The following DBNL variants were observed in gnomAD, a reference collection of about 807,000 sequenced individuals.
The protein encoded by DBNL is drebrin like, also known as drebrin-like protein.
Under a neutral mutation model 62.2 loss-of-function variants are expected in DBNL, and 35 were observed. The ratio of observed to expected loss-of-function variants is 0.56; its 90% CI spans 0.43 to 0.75. The LOEUF is 0.75. Ranked by LOEUF, DBNL falls within the 30% of genes least tolerant of loss-of-function variation. The pLI, the probability that DBNL is intolerant of heterozygous loss-of-function variation, is 0.00. For missense variants in DBNL, 495 were observed against 578.4 expected (o/e 0.86, Z 1.48); for synonymous variants, 197 against 218.0 (o/e 0.90, Z 0.85).
chr7:44,060,721 C>T lies in DBNL; in HGVS notation c.1154-56C>T. The T allele has an allele frequency of 1.3e-6, 2 of 1,591,634 alleles. No homozygotes were observed. Among genetic ancestry groups the T allele is most frequent in the Non-Finnish European group, 1.7e-6 (2 of 1,166,220 alleles). ...GTGGGGCTGCCGTGGGCTGCCCGAG[C>T]AGGTGGGATGTGGGAGGGAGCCCCT... is the stretch of plus-strand genomic sequence containing the variant. On this transcript the variant is annotated intron_variant, in intron 12 of 12. Transcript: ENST00000448521. This position sits in a 1 kb window ranked among gnomAD's most constrained non-coding sequence, Gnocchi z 6.3.
chr7:44,062,812 C>G lies in DBNL; in HGVS notation c.*1896C>G, dbSNP rs747672660. ...CCACAGCCTCCATGGCCTTCCGCAC[C>G]GTTTCCTCATCACCCAGGAACTGCA... is the stretch of plus-strand genomic sequence containing the variant. On this transcript the variant is annotated 3_prime_UTR_variant, in exon 13 of 13. Transcript: ENST00000448521. 1 of 1,614,212 alleles carries G rather than the reference C, an allele frequency of 6.2e-7. No individual in the cohort carries two copies. Among genetic ancestry groups the G allele is most frequent in the South Asian group, 1.1e-5 (1 of 91,082 alleles).
intron 3 of DBNL, 28 bp from the exon 4 acceptor site, chr7:44,052,839 G>C (rs1437072302): frequency 6.2e-7 from 1 of 1,613,210 alleles, no homozygotes; most frequent in Non-Finnish European, 8.5e-7. Flanking sequence ...GGGAGGCCTG[G>C]GTCAACCTGG....
In DBNL at chr7:44,058,234, C is replaced by A; in HGVS notation, c.658C>A (p.Arg220=). ...RERELREAAR[R]EQRYQEQGGE... Reference sequence around the variant, plus strand: ...GCGTGAGCTGCGTGAGGCTGCACGCCGGGAGCAGCGCTATCAGGAGCAGGG... The same window carrying A: ...GCGTGAGCTGCGTGAGGCTGCACGCAGGGAGCAGCGCTATCAGGAGCAGGG... Residue 220 remains arginine (R), a synonymous_variant, in exon 7 of 13, where the codon CGG becomes AGG. Transcript: ENST00000448521. The A allele has an allele frequency of 6.3e-7, 1 of 1,576,888 alleles. No homozygotes were observed. The highest frequency in any genetic ancestry group is 8.6e-7 in the Non-Finnish European group (1 of 1,162,980).
chr7:44,056,979 C>A, intron 5 of DBNL, 76 bp downstream of exon 5: 2 of 1,592,292 alleles, frequency 1.3e-6, no homozygotes, highest in Non-Finnish European at 1.7e-6. Flanking sequence ...ATGCACTTCC[C>A]AGCACCCGGG....
At chr7:44,049,322 G>A (rs2096122489) in intron 1 of DBNL, among the ~76,000 whole-genome samples, 1 of 152,100 alleles carries the variant, frequency 6.6e-6, no homozygotes, top group Non-Finnish European at 1.5e-5. Context: ...ACGCCCAGCT[G>A]ATTTTTTGTA....
At position 44,068,616 on chromosome 7, in the gene DBNL, A is replaced by C. The variant is rs542245317; in HGVS notation, c.*7700A>C. 6.6e-6 allele frequency: 1 copy of C among 152,378 alleles called. No individual in the cohort carries two copies. The highest frequency in any genetic ancestry group is 2.1e-4 in the South Asian group (1 of 4,832). The allele number at this position is 152,378 out of a possible 1,614,324, so 9.4% of individuals were successfully genotyped here. On this transcript the variant is annotated 3_prime_UTR_variant, in exon 13 of 13. Coordinates refer to ENST00000448521, the MANE Select transcript of DBNL (RefSeq NM_001014436.3). The stretch of plus-strand genomic sequence containing the variant: ...CATGGGAGAAAAGAAGATGATCAAT[A>C]CATGCCCATCCTGAGATGATTCAAC...
Position 44,059,176 on chromosome 7 carries a change from G to A in DBNL, c.836-178G>A, listed in dbSNP as rs1407290563. 6.6e-6 allele frequency among the ~76,000 whole-genome samples: 1 copy of A among 152,202 alleles called. No individual in the cohort carries two copies. Among genetic ancestry groups the A allele is most frequent in the Non-Finnish European group, 1.5e-5 (1 of 68,030 alleles). On this transcript the variant is annotated intron_variant, in intron 9 of 12. Coordinates refer to ENST00000448521, the MANE Select transcript of DBNL (RefSeq NM_001014436.3). This position sits in a 1 kb window ranked among gnomAD's most constrained non-coding sequence, Gnocchi z 4.1. ...ACCAGTTTGGCCTCCAAAAGATATT[G>A]GGCTGCGCTGTCTACCACGTCACCA... is the stretch of plus-strand genomic sequence containing the variant.
chr7:44,055,197 G>A (rs1291734603), intron 4 of DBNL, among the ~76,000 whole-genome samples: 2 of 152,192 alleles, frequency 1.3e-5, no homozygotes, highest in African/African-American at 4.8e-5. Context: ...TAGGCGCGAT[G>A]GCTCACGCCT....
chr7:44,069,218 T>C lies in DBNL; in HGVS notation c.*8302T>C, dbSNP rs931500181. Reference sequence around the variant, plus strand: ...GGGAATGCAGGAAGAACATCATAAATGGCAAAAGTCCACATAAATATGAAA... The same window carrying C: ...GGGAATGCAGGAAGAACATCATAAACGGCAAAAGTCCACATAAATATGAAA... On this transcript the variant is annotated 3_prime_UTR_variant, in exon 13 of 13. Coordinates refer to ENST00000448521, the MANE Select transcript of DBNL (RefSeq NM_001014436.3). The C allele has an allele frequency of 6.6e-6, 1 of 152,218 alleles. No homozygotes were observed. Among genetic ancestry groups the C allele is most frequent in the African/African-American group, 2.4e-5 (1 of 41,444 alleles). The allele number at this position is 152,218 out of a possible 1,614,324, so 9.4% of individuals were successfully genotyped here. A position where few individuals can be genotyped will look rare whatever the true frequency, so the allele number is the denominator to read the frequency against.
chr7:44,044,978 A>G, intron 1 of DBNL, 158 bp downstream of exon 1: 1 of 635,984 alleles, frequency 1.6e-6, no homozygotes, highest in South Asian at 2.7e-5. Flanking sequence ...ACACCGCAGC[A>G]GGAGTGCTGT....
chr7:44,052,738 G>A, intron 3 of DBNL, 129 bp from the exon 4 acceptor site: 1 of 1,083,156 alleles, frequency 9.2e-7, no homozygotes, highest in Admixed American at 2.2e-5. Context: ...GATGCAGTCA[G>A]AAGAATAGGT....
chr7:44,051,867 C>A lies in DBNL; in HGVS notation c.177C>A (p.Ser59Arg). ...GLEEMVEELN[S>R]GKVMYAFCRV... ...AGGAGATGGTGGAGGAGCTCAACAG[C>A]GGGAAGGTGATGTACGCCTTCTGCA... The change falls in exon 3 of 13, where the codon AGC becomes AGA. Residue 59 changes from serine (S) to arginine (R), a missense_variant. Physicochemically the swap from Ser to Arg is moderately radical, Grantham distance 110. Coordinates refer to ENST00000448521, the MANE Select transcript of DBNL (RefSeq NM_001014436.3). The A allele has an allele frequency of 2.5e-6, 4 of 1,614,064 alleles. No individual in the cohort carries two copies. The highest frequency in any genetic ancestry group is 3.4e-6 in the Non-Finnish European group (4 of 1,179,992).
At chr7:44,057,010 T>C (rs2096137675) in intron 5 of DBNL, 107 bp downstream of exon 5, 1 of 1,504,216 alleles carries the variant, frequency 6.6e-7, no homozygotes, top group South Asian at 1.2e-5. Flanking sequence ...CCATGCCTGC[T>C]TAGTTTCTGC....
At position 44,065,832 on chromosome 7, in the gene DBNL, G is replaced by A. The variant is rs557950965; in HGVS notation, c.*4916G>A. ...CTGAGTGGGGCTGCTGGTCAGGGAT[G>A]GGCGTGAAGGGCAGAAGTCTGGGCC... On this transcript the variant is annotated 3_prime_UTR_variant, in exon 13 of 13. Transcript: ENST00000448521. The A allele has an allele frequency of 5.9e-6, 3 of 506,392 alleles. No homozygotes were observed. The highest frequency in any genetic ancestry group is 3.9e-5 in the African/African-American group (2 of 51,848). The allele number at this position is 506,392 out of a possible 1,614,324, so 31.4% of individuals were successfully genotyped here.
rs777413303 is a variant in DBNL at position 44,064,868 on chromosome 7, C to G, written c.*3952C>G. 1 of 1,610,970 alleles carries G rather than the reference C, an allele frequency of 6.2e-7. No homozygotes were observed. Among genetic ancestry groups the G allele is most frequent in the East Asian group, 2.2e-5 (1 of 44,854 alleles). Reference sequence around the variant, plus strand: ...TTGACAATGCCCCGCAGGCTGTTCCCGTGGGCTGCAATGAGCACTCGCTTG... The same window carrying G: ...TTGACAATGCCCCGCAGGCTGTTCCGGTGGGCTGCAATGAGCACTCGCTTG... On this transcript the variant is annotated 3_prime_UTR_variant, in exon 13 of 13. Coordinates refer to ENST00000448521, the MANE Select transcript of DBNL (RefSeq NM_001014436.3).
chr7:44,065,405 G>A lies in DBNL; in HGVS notation c.*4489G>A, dbSNP rs1263012852. On this transcript the variant is annotated 3_prime_UTR_variant, in exon 13 of 13. Transcript: ENST00000448521. ...CATCTTGGCATCCTTGATGGCCTTG[G>A]CTCCCCGCTTGGCCTCCTCGGTCCC... 3 of 1,613,940 alleles carry A rather than the reference G, an allele frequency of 1.9e-6. No individual in the cohort carries two copies. Among genetic ancestry groups the A allele is most frequent in the African/African-American group, 1.3e-5 (1 of 74,930 alleles).
intron 1 of DBNL, among the ~76,000 whole-genome samples, chr7:44,045,828 A>G (rs561440678): frequency 6.6e-6 from 1 of 152,312 alleles, no homozygotes; most frequent in Admixed American, 6.5e-5. Context: ...GCCCTGGGCC[A>G]TTAGGGGAAG....
Position 44,058,541 on chromosome 7 carries a change from C to T in DBNL, c.753+61C>T, listed in dbSNP as rs1585992460. ...CTGGCCACACGCAGAAGTCCCTGAT[C>T]TCGGATTGAGGGCCCAGCCCAGACC... On this transcript the variant is annotated intron_variant, in intron 8 of 12. Transcript: ENST00000448521. 1.1e-5 allele frequency: 17 copies of T among 1,594,920 alleles called. No homozygotes were observed. In the South Asian group the frequency reaches 1.8e-4, roughly 17 times the overall value.
At chr7:44,050,343 A>G (rs1249148141) in intron 2 of DBNL, 63 bp downstream of exon 2, 1 of 1,572,708 alleles carries the variant, frequency 6.4e-7, no homozygotes, top group East Asian at 2.2e-5. Flanking sequence ...ACGAGGGGTC[A>G]GCGCACTCAG....
Sources: allele counts gnomAD v4.1 joint callset (sites outside exome capture counted in the v4.1 genomes callset), GRCh38; gene constraint gnomAD v4.1.1; non-coding constraint Gnocchi (gnomAD v3.1); transcripts MANE v1.5; gene names NCBI Gene and HGNC (gene_info 2026-07-23, HGNC 2026-07-21).